NTNG1: variants seen among roughly 807,000 people sequenced by gnomAD.
NTNG1 encodes netrin G1.
In NTNG1, 16 loss-of-function variants were observed where a neutral mutation model predicts 54.0. The ratio of observed to expected loss-of-function variants is 0.30; its 90% CI spans 0.20 to 0.45. The LOEUF (loss-of-function observed/expected upper bound fraction) is 0.45, where lower values mean the gene tolerates loss of function less well. Among genes scored for constraint, NTNG1 ranks in the 20% least tolerant of loss-of-function variants. The pLI is 1.00. For missense variants in NTNG1, 530 were observed against 678.7 expected (o/e 0.78, Z 2.43); for synonymous variants, 255 against 263.1 (o/e 0.97, Z 0.30).
intron 7 of NTNG1, among the ~76,000 whole-genome samples, chr1:107,452,927 A>G (rs534726559): frequency 6.6e-6 from 1 of 152,294 alleles, no homozygotes; most frequent in East Asian, 1.9e-4. Flanking sequence ...TCCTTTACTG[A>G]GGAGGTACGT....
chr1:107,469,749 T>C (rs1677861411), intron 7 of NTNG1, among the ~76,000 whole-genome samples: 1 of 152,196 alleles, frequency 6.6e-6, no homozygotes, highest in Non-Finnish European at 1.5e-5. Flanking sequence ...CCACCACGCC[T>C]AGCTTATTTG....
At chr1:107,233,002 T>A (rs1395289670) in intron 2 of NTNG1, among the ~76,000 whole-genome samples, 1 of 152,230 alleles carries the variant, frequency 6.6e-6, no homozygotes, top group South Asian at 2.1e-4. Context: ...GTAATTTTTA[T>A]TAGCTTTTTA....
chr1:107,169,794 C>T (rs1301331215), intron 2 of NTNG1, among the ~76,000 whole-genome samples: 4 of 152,168 alleles, frequency 2.6e-5, no homozygotes, highest in African/African-American at 9.7e-5. Flanking sequence ...ACCAGAGAAG[C>T]AGAGCTAGTA....
chr1:107,432,391 A>G (rs1481005370), intron 6 of NTNG1, among the ~76,000 whole-genome samples: 2 of 152,232 alleles, frequency 1.3e-5, no homozygotes, highest in Non-Finnish European at 2.9e-5. Flanking sequence ...TTCTGACTTC[A>G]AAGCTTAAAC....
At chr1:107,429,614 C>G (rs1310504204) in intron 5 of NTNG1, among the ~76,000 whole-genome samples, 1 of 152,026 alleles carries the variant, frequency 6.6e-6, no homozygotes, top group African/African-American at 2.4e-5. Flanking sequence ...AAAAGCAAGA[C>G]AGATATTGAT....
chr1:107,326,557 A>G (rs1434689096), intron 3 of NTNG1, among the ~76,000 whole-genome samples: 1 of 152,184 alleles, frequency 6.6e-6, no homozygotes, highest in Non-Finnish European at 1.5e-5. Context: ...GCTTGCCACA[A>G]TGAAGTAGCA....
chr1:107,467,707 A>G (rs1256958942), intron 7 of NTNG1, among the ~76,000 whole-genome samples: 2 of 152,266 alleles, frequency 1.3e-5, no homozygotes, highest in Admixed American at 6.5e-5. Flanking sequence ...TACAATAGTC[A>G]GCATCAACTT....
intron 5 of NTNG1, 78 bp downstream of exon 5, chr1:107,407,786 T>C (rs1673534043): frequency 1.6e-6 from 2 of 1,237,564 alleles, no homozygotes; most frequent in East Asian, 4.6e-5. Flanking sequence ...TCCTCAGATC[T>C]ATTTTCCCAG....
intron 4 of NTNG1, among the ~76,000 whole-genome samples, chr1:107,397,056 A>G (rs1190673834): frequency 6.6e-6 from 1 of 152,176 alleles, no homozygotes; most frequent in Non-Finnish European, 1.5e-5. Flanking sequence ...ATCATCATGG[A>G]AATGTCTCCT....
intron 3 of NTNG1, among the ~76,000 whole-genome samples, chr1:107,332,963 T>A (rs1668370290): frequency 1.3e-5 from 2 of 152,026 alleles, no homozygotes; most frequent in African/African-American, 4.8e-5. Flanking sequence ...TGTTGGTGTA[T>A]AAATTTGTTT....
At chr1:107,171,826 C>T (rs1014021858) in intron 2 of NTNG1, among the ~76,000 whole-genome samples, 3 of 152,172 alleles carry the variant, frequency 2.0e-5, no homozygotes, top group African/African-American at 7.2e-5. Context: ...CCAGAGTTAC[C>T]AGCGATTTCC....
intron 3 of NTNG1, among the ~76,000 whole-genome samples, chr1:107,339,497 G>T (rs1570714437): frequency 6.6e-6 from 1 of 151,988 alleles, no homozygotes; most frequent in African/African-American, 2.4e-5. Flanking sequence ...AAAGGAAAGG[G>T]TTTCATTTGG....
chr1:107,480,966 A>C lies in NTNG1; in HGVS notation c.*126A>C. ...CCACTCAGACAGTGTACAAACTAAG[A>C]AGGCCTAACTGAACTAAGCCATATT... On this transcript the variant is annotated 3_prime_UTR_variant, in exon 8 of 8. Coordinates refer to ENST00000370068, the MANE Select transcript of NTNG1 (RefSeq NM_001113226.3). The C allele has an allele frequency of 2.9e-6, 2 of 700,228 alleles. No individual in the cohort carries two copies. The highest frequency in any genetic ancestry group is 2.7e-5 in the East Asian group (1 of 36,564). 43.4% of individuals were successfully genotyped at this position (700,228 alleles called of 1,614,324 possible).
intron 2 of NTNG1, among the ~76,000 whole-genome samples, chr1:107,249,216 T>C (rs184746842): frequency 1.3e-4 from 19 of 151,590 alleles, no homozygotes; most frequent in Admixed American, 1.2e-3. Context: ...CCGGGCACGG[T>C]GGCTCACACC....
intron 2 of NTNG1, among the ~76,000 whole-genome samples, chr1:107,293,110 C>T (rs1665725485): frequency 6.6e-6 from 1 of 152,028 alleles, no homozygotes; most frequent in Non-Finnish European, 1.5e-5. Flanking sequence ...ATTGATCCAA[C>T]AATTTTATCT....
At chr1:107,280,173 TCCCTCACTGTTTTGGTTA>T (rs1664748222) in intron 2 of NTNG1, among the ~76,000 whole-genome samples, 1 of 148,928 alleles carries the variant, frequency 6.7e-6, no homozygotes, top group Non-Finnish European at 1.5e-5. Context: ...TTTTTTTTTT[TCCCTCACTGTTTTGGTTA>T]TTCTATAGGG....
chr1:107,282,982 A>G (rs936468017), intron 2 of NTNG1, among the ~76,000 whole-genome samples: 9 of 152,064 alleles, frequency 5.9e-5, no homozygotes, highest in Admixed American at 4.6e-4. Flanking sequence ...GCTCTCTGAC[A>G]TCTGTTTTAT....
chr1:107,479,561 C>CTA (rs1353564888), intron 7 of NTNG1, among the ~76,000 whole-genome samples: 1 of 152,094 alleles, frequency 6.6e-6, no homozygotes, highest in African/African-American at 2.4e-5. Flanking sequence ...CAGAGGGGTT[C>CTA]TATATATTAA....
chr1:107,392,897 T>G (rs1672454420), intron 3 of NTNG1, among the ~76,000 whole-genome samples: 1 of 152,134 alleles, frequency 6.6e-6, no homozygotes, highest in African/African-American at 2.4e-5. Context: ...CTCAGGGTTA[T>G]GTACAGTGGT....
Sources: gnomAD v4.1 joint callset for allele counts (sites outside exome capture counted in the v4.1 genomes callset) on GRCh38, gnomAD v4.1.1 for gene constraint, MANE v1.5 for transcripts, NCBI Gene and HGNC (gene_info 2026-07-23, HGNC 2026-07-21) for gene names.